The following MNAT1 variants were observed in gnomAD, a reference collection of about 807,000 sequenced individuals.
The protein encoded by MNAT1 is CDK-activating kinase assembly factor MAT1.
Under a neutral mutation model 42.0 loss-of-function variants are expected in MNAT1, and 43 were observed. The ratio of observed to expected loss-of-function variants is 1.02; its 90% CI spans 0.80 to 1.32. The LOEUF (loss-of-function observed/expected upper bound fraction) is 1.32, where lower values mean the gene tolerates loss of function less well. Among genes scored for constraint, MNAT1 ranks in the 40% most tolerant of loss-of-function variants. The probability of loss-of-function intolerance (pLI) is 0.00; values close to 1 mark genes in which losing one functional copy is unlikely to be tolerated. For synonymous variants in MNAT1, 118 were observed against 120.0 expected (o/e 0.98, Z 0.11); for missense variants, 306 against 350.4 (o/e 0.87, Z 1.01).
At chr14:60,953,281 G>A (rs923829008) in intron 7 of MNAT1, among the ~76,000 whole-genome samples, 10 of 151,986 alleles carry the variant, frequency 6.6e-5, no homozygotes, top group African/African-American at 2.4e-4. Context: ...TAGCGTGTAG[G>A]TATTGGCACC....
intron 1 of MNAT1, among the ~76,000 whole-genome samples, chr14:60,791,848 G>A (rs949326057): frequency 1.3e-5 from 2 of 152,052 alleles, no homozygotes; most frequent in Non-Finnish European, 2.9e-5. Flanking sequence ...GTTACTTTCT[G>A]GGGACTAAAA....
rs185522894 is a variant in MNAT1, at chr14:60,840,857, A to G, written c.687+22010A>G. On this transcript the variant is annotated intron_variant, in intron 6 of 7. Transcript: ENST00000261245. ...TCTTTGTATTTTTAGTAGAGACGGG[A>G]TTTCACTGTATTAGCCAGGATGGTT... 3.8e-3 allele frequency among the ~76,000 whole-genome samples: 577 copies of G among 152,082 alleles called. 3 individuals carry two copies. Among genetic ancestry groups the G allele is most frequent in the Non-Finnish European group, 6.3e-3 (428 of 67,972 alleles).
At chr14:60,766,704 G>A (rs993819372) in intron 1 of MNAT1, among the ~76,000 whole-genome samples, 5 of 152,066 alleles carry the variant, frequency 3.3e-5, no homozygotes, top group South Asian at 2.1e-4. Flanking sequence ...GCAAGACTCC[G>A]TCTCAAAAAA....
chr14:60,850,345 G>T (rs1347109893), intron 6 of MNAT1, among the ~76,000 whole-genome samples: 1 of 152,012 alleles, frequency 6.6e-6, no homozygotes, highest in Non-Finnish European at 1.5e-5. Flanking sequence ...TTTTATCAAA[G>T]GTATTCAAGT....
intron 1 of MNAT1, among the ~76,000 whole-genome samples, chr14:60,739,469 A>G (rs1896404075): frequency 1.3e-5 from 2 of 151,060 alleles, no homozygotes; most frequent in South Asian, 4.1e-4. Context: ...TGCTTCATAA[A>G]AGAGGAACTA....
intron 6 of MNAT1, among the ~76,000 whole-genome samples, chr14:60,853,879 C>A (rs2033891667): frequency 6.6e-6 from 1 of 152,174 alleles, no homozygotes; most frequent in Non-Finnish European, 1.5e-5. Context: ...ACCAGCCTTG[C>A]ATCCCAGGGA....
chr14:60,897,082 G>T (rs1594845757), intron 7 of MNAT1, among the ~76,000 whole-genome samples: 2 of 152,016 alleles, frequency 1.3e-5, no homozygotes, highest in Admixed American at 1.3e-4. Flanking sequence ...TTTTGGTTTG[G>T]ATTCTTAGAA....
chr14:60,954,852 A>G (rs960345557), intron 7 of MNAT1, among the ~76,000 whole-genome samples: 1 of 152,076 alleles, frequency 6.6e-6, no homozygotes, highest in Non-Finnish European at 1.5e-5. Flanking sequence ...TAGCTATCGT[A>G]TTTTATATAT....
chr14:60,920,573 G>A (rs1442706294), intron 7 of MNAT1, among the ~76,000 whole-genome samples: 1 of 151,848 alleles, frequency 6.6e-6, no homozygotes, highest in East Asian at 1.9e-4. Context: ...GTGCCCACCT[G>A]TAATCATTAC....
intron 6 of MNAT1, among the ~76,000 whole-genome samples, chr14:60,870,221 A>G (rs1042129823): frequency 3.3e-5 from 5 of 152,116 alleles, no homozygotes; most frequent in African/African-American, 4.8e-5. Flanking sequence ...ATGGAAATAT[A>G]GGGCTCTAAG....
intron 7 of MNAT1, among the ~76,000 whole-genome samples, chr14:60,961,676 G>T (rs564353745): frequency 6.6e-6 from 1 of 152,030 alleles, no homozygotes; most frequent in South Asian, 2.1e-4. Flanking sequence ...ATGAGATCAC[G>T]AAGGCTTTGT....
At chr14:60,940,134 G>A (rs555248495) in intron 7 of MNAT1, among the ~76,000 whole-genome samples, 111 of 152,178 alleles carry the variant, frequency 7.3e-4, no homozygotes, top group Admixed American at 4.7e-3. Context: ...GTCTCTGCAC[G>A]TGAGATGGGT....
At chr14:60,967,599 T>C (rs2036705466) in intron 7 of MNAT1, among the ~76,000 whole-genome samples, 1 of 152,214 alleles carries the variant, frequency 6.6e-6, no homozygotes. Context: ...TACTGTTATA[T>C]TGTTGAGATC....
At chr14:60,878,393 A>G (rs1326284660) in intron 6 of MNAT1, among the ~76,000 whole-genome samples, 1 of 152,056 alleles carries the variant, frequency 6.6e-6, no homozygotes, top group Non-Finnish European at 1.5e-5. Flanking sequence ...TGAGGTTAGG[A>G]AACAAAAAGA....
intron 7 of MNAT1, among the ~76,000 whole-genome samples, chr14:60,962,161 A>C (rs1594914980): frequency 1.3e-5 from 2 of 152,228 alleles, no homozygotes; most frequent in Non-Finnish European, 2.9e-5. Flanking sequence ...AGAATCAAAA[A>C]ATAAAAACAA....
chr14:60,871,757 G>A (rs2034328545), intron 6 of MNAT1, among the ~76,000 whole-genome samples: 1 of 151,850 alleles, frequency 6.6e-6, no homozygotes. Flanking sequence ...CGAGTAGCTG[G>A]GATTACAGGC....
rs536599122 is a variant in MNAT1, at chr14:60,796,226, T to C, written c.99T>C (p.Ser33=). The stretch of plus-strand genomic sequence containing the variant: ...ATTTCTGTCCTTACAGCTGTGAAAG[T>C]TGTGTAGATTTACTGTTTGTGAGAG... ...VNVCGHTLCE[S]CVDLLFVRGA... is the part of the protein sequence containing the mutation. The change falls in exon 2 of 8, where the codon AGT becomes AGC. Residue 33 remains serine, a synonymous_variant. Coordinates refer to ENST00000261245, the MANE Select transcript of MNAT1 (RefSeq NM_002431.4). The C allele has an allele frequency of 6.2e-7, 1 of 1,611,108 alleles. No individual in the cohort carries two copies. Among genetic ancestry groups the C allele is most frequent in the Admixed American group, 1.7e-5 (1 of 59,406 alleles).
intron 7 of MNAT1, among the ~76,000 whole-genome samples, chr14:60,937,027 T>C (rs974804534): frequency 8.6e-5 from 13 of 151,536 alleles, no homozygotes; most frequent in African/African-American, 3.2e-4. Context: ...ATGTCTTCTT[T>C]TGAGAAGTGT....
In MNAT1 at chr14:60,766,225, A is replaced by G. The variant is rs1016714254; in HGVS notation, c.90-29992A>G. On this transcript the variant is annotated intron_variant, in intron 1 of 7. Transcript: ENST00000261245. ...TAGCCAGGCTTGGTGGTGGGCGCCC[A>G]TAATCCCAGCTACTTGGGAGGCGTA... Among the ~76,000 whole-genome samples the G allele has an allele frequency of 9.9e-5, 15 of 151,958 alleles. No homozygotes were observed. In the East Asian group the frequency reaches 2.7e-3, roughly 28 times the overall value.
Sources: allele counts gnomAD v4.1 joint callset (sites outside exome capture counted in the v4.1 genomes callset), GRCh38; gene constraint gnomAD v4.1.1; transcripts MANE v1.5; gene names NCBI Gene and HGNC (gene_info 2026-07-23, HGNC 2026-07-21).